Variants in COL19A1 observed in about 807,000 individuals in gnomAD.
COL19A1 encodes the protein collagen type XIX alpha 1 chain.
In COL19A1, 159 loss-of-function variants were observed where a neutral mutation model predicts 190.2. The ratio of observed to expected loss-of-function variants is 0.84; its 90% CI spans 0.73 to 0.95. COL19A1 has a LOEUF of 0.95. COL19A1 is among the 40% of genes least tolerant of loss of function. COL19A1 has a pLI of 0.00. For synonymous variants in COL19A1, 509 were observed against 458.9 expected (o/e 1.11, Z -1.39); for missense variants, 1,418 against 1,431.9 (o/e 0.99, Z 0.16).
At chr6:70,023,582 T>A (rs1389688043) in intron 11 of COL19A1, 45 bp from the exon 12 acceptor site, 2 of 1,518,940 alleles carry the variant, frequency 1.3e-6, no homozygotes, top group Non-Finnish European at 1.8e-6. Flanking sequence ...CTAGCAAAGG[T>A]TTTCAGATAT....
intron 2 of COL19A1, among the ~76,000 whole-genome samples, chr6:69,883,546 G>A (rs775307067): frequency 2.4e-4 from 37 of 152,140 alleles, no homozygotes; most frequent in Non-Finnish European, 4.1e-4. Flanking sequence ...GTGCATTTTA[G>A]CAAAGTTAAA....
intron 49 of COL19A1, among the ~76,000 whole-genome samples, chr6:70,205,998 A>G (rs974453924): frequency 2.6e-5 from 4 of 152,162 alleles, no homozygotes; most frequent in Non-Finnish European, 4.4e-5. Context: ...CGTTACTTAG[A>G]GAAGATATAA....
At chr6:69,969,482 C>A (rs1021866421) in intron 11 of COL19A1, among the ~76,000 whole-genome samples, 3 of 151,596 alleles carry the variant, frequency 2.0e-5, no homozygotes, top group African/African-American at 7.3e-5. Context: ...GGTTGTGCAT[C>A]CAGGGACTAT....
At chr6:70,206,021 A>G (rs537261146) in intron 49 of COL19A1, among the ~76,000 whole-genome samples, 1 of 152,290 alleles carries the variant, frequency 6.6e-6, no homozygotes, top group South Asian at 2.1e-4. Context: ...TTTATAGTTG[A>G]TCATTTGAAC....
chr6:70,149,542 C>T (rs956968316), intron 27 of COL19A1, among the ~76,000 whole-genome samples, 162 bp from the exon 28 acceptor site: 5 of 152,160 alleles, frequency 3.3e-5, no homozygotes, highest in African/African-American at 4.8e-5. Flanking sequence ...TATTCACCTA[C>T]GACCTGAAAG....
chr6:70,070,382 T>G (rs1407998817), intron 15 of COL19A1, among the ~76,000 whole-genome samples: 1 of 152,160 alleles, frequency 6.6e-6, no homozygotes, highest in Non-Finnish European at 1.5e-5. Context: ...CAGATAATTT[T>G]ATATTACTTT....
At chr6:70,111,719 C>G (rs557387785) in intron 16 of COL19A1, among the ~76,000 whole-genome samples, 3 of 152,232 alleles carry the variant, frequency 2.0e-5, no homozygotes, top group African/African-American at 7.2e-5. Context: ...TAGAACTTTC[C>G]TGAGCACACT....
intron 46 of COL19A1, 141 bp downstream of exon 46, chr6:70,185,056 AC>A: frequency 2.7e-6 from 2 of 727,826 alleles, no homozygotes; most frequent in Non-Finnish European, 4.3e-6. Flanking sequence ...AAAGATCTCT[AC>A]CAGACATTAA....
intron 49 of COL19A1, among the ~76,000 whole-genome samples, chr6:70,201,881 G>A (rs1767575391): frequency 6.6e-6 from 1 of 152,132 alleles, no homozygotes; most frequent in Admixed American, 6.5e-5. Context: ...TTAATTTTTG[G>A]TGCCTCTAGA....
chr6:70,001,161 C>T (rs368149806), intron 11 of COL19A1, among the ~76,000 whole-genome samples: 24 of 152,134 alleles, frequency 1.6e-4, no homozygotes, highest in African/African-American at 3.4e-4. Context: ...TCAAGTTTGT[C>T]GAAGATCAGA....
At chr6:70,039,537 G>A (rs2150121591) in intron 14 of COL19A1, among the ~76,000 whole-genome samples, 1 of 152,262 alleles carries the variant, frequency 6.6e-6, no homozygotes. Context: ...TCAGGACACA[G>A]AATTCCAGAA....
intron 11 of COL19A1, among the ~76,000 whole-genome samples, chr6:70,016,133 G>A (rs1161567647): frequency 1.5e-4 from 3 of 19,448 alleles, no homozygotes; most frequent in African/African-American, 8.3e-4. Flanking sequence ...ACCAAACACC[G>A]CATATTCTCA....
At chr6:69,915,934 CTTTTTTTTTTTTTT>C (rs10707834) in intron 4 of COL19A1, among the ~76,000 whole-genome samples, 2 of 110,936 alleles carry the variant, frequency 1.8e-5, no homozygotes, top group East Asian at 5.0e-4. Flanking sequence ...CTCATCTCAT[CTTTTTTTTTTTTTT>C]TTTTTTTTTA....
chr6:69,913,121 G>A (rs902517451), intron 4 of COL19A1, among the ~76,000 whole-genome samples: 3 of 151,960 alleles, frequency 2.0e-5, no homozygotes, highest in African/African-American at 7.3e-5. Context: ...ATGAATACGA[G>A]GCAATTCTCT....
At chr6:70,172,140 T>G in intron 41 of COL19A1, 123 bp downstream of exon 41, 1 of 733,096 alleles carries the variant, frequency 1.4e-6, no homozygotes. Flanking sequence ...GACAAAAATG[T>G]ATGTACTCAT....
At position 69,907,107 on chromosome 6, in the gene COL19A1, A is replaced by T. The variant is rs202167403; in HGVS notation, c.266+6769A>T. On this transcript the variant is annotated intron_variant, in intron 4 of 50. Coordinates refer to ENST00000620364, the MANE Select transcript of COL19A1 (RefSeq NM_001858.6). ...CTATCTTCAGATTATTATTATTATT[A>T]TTTTTTTTTTTTTTTTTTTTTGAGA... Among the ~76,000 whole-genome samples, 394 of 129,360 alleles carry T rather than the reference A, an allele frequency of 3.0e-3. 7 individuals carry two copies. The East Asian group carries it at 0.049, about 16-fold the overall frequency. 84.9% of individuals were successfully genotyped at this position (129,360 alleles called of 152,430 possible). A position where few individuals can be genotyped will look rare whatever the true frequency, so the allele number is the denominator to read the frequency against.
intron 1 of COL19A1, among the ~76,000 whole-genome samples, chr6:69,869,224 T>C (rs1767671453): frequency 6.6e-6 from 1 of 152,124 alleles, no homozygotes; most frequent in Admixed American, 6.5e-5. Flanking sequence ...GTCATGTGCC[T>C]GGTAAGACAG....
intron 9 of COL19A1, among the ~76,000 whole-genome samples, chr6:69,959,699 C>T (rs925289610): frequency 2.6e-5 from 4 of 152,142 alleles, no homozygotes; most frequent in African/African-American, 9.7e-5. Flanking sequence ...TACTAAATAA[C>T]ATGTGGAAAA....
chr6:69,935,311 G>A (rs1222587379), intron 7 of COL19A1, among the ~76,000 whole-genome samples: 6 of 151,876 alleles, frequency 4.0e-5, no homozygotes, highest in Non-Finnish European at 8.8e-5. Context: ...TTTGTGGAGT[G>A]TGGACAGGTT....
Sources: gnomAD v4.1 joint callset for allele counts (sites outside exome capture counted in the v4.1 genomes callset) on GRCh38, gnomAD v4.1.1 for gene constraint, MANE v1.5 for transcripts, NCBI Gene and HGNC (gene_info 2026-07-23, HGNC 2026-07-21) for gene names.